Variants in LUC7L2 observed in about 807,000 individuals in gnomAD.
The protein encoded by LUC7L2 is LUC7 like 2, pre-mRNA splicing factor.
In LUC7L2, 25 loss-of-function variants were observed where a neutral mutation model predicts 52.8. The observed-to-expected ratio is 0.47, with a 90% CI of 0.34 to 0.66. LUC7L2 has a LOEUF of 0.66. Ranked by LOEUF, LUC7L2 falls within the 30% of genes least tolerant of loss-of-function variation. LUC7L2 has a pLI of 0.01. For missense variants in LUC7L2, 328 were observed against 497.8 expected (o/e 0.66, Z 3.25); for synonymous variants, 144 against 160.9 (o/e 0.89, Z 0.80).
In LUC7L2 at chr7:139,422,262, G is replaced by T; in HGVS notation, c.1101G>T (p.Lys367Asn). Residue 367 changes from lysine (K) to asparagine (N), a missense_variant, in exon 10 of 10, where the codon AAG (lysine) becomes AAT (asparagine). This residue lies in a region of LUC7L2 where 195 missense variants were observed against 223.3 expected (regional missense o/e 0.87). Coordinates refer to ENST00000354926, the MANE Select transcript of LUC7L2 (RefSeq NM_016019.5). ...RSPRDRDRKDKKRSYESANGR... is the reference protein window; with the variant it reads ...RSPRDRDRKDNKRSYESANGR... ...CTCGTGACAGAGATCGGAAAGATAA[G>T]AAGCGGTCCTATGAGAGTGCTAATG... 6.2e-7 allele frequency: 1 copy of T among 1,614,208 alleles called. No homozygotes were observed. Among genetic ancestry groups the T allele is most frequent in the South Asian group, 1.1e-5 (1 of 91,078 alleles).
intron 7 of LUC7L2, among the ~76,000 whole-genome samples, chr7:139,411,689 C>CGTAA (rs1240183995): frequency 6.6e-5 from 10 of 152,076 alleles, no homozygotes; most frequent in Non-Finnish European, 1.5e-4. Flanking sequence ...TTTCATTGAG[C>CGTAA]GTTACCTGTG....
At chr7:139,410,095 T>A (rs1001973712) in intron 7 of LUC7L2, among the ~76,000 whole-genome samples, 2 of 151,910 alleles carry the variant, frequency 1.3e-5, no homozygotes, top group Non-Finnish European at 2.9e-5. Context: ...TAGTCCCAGC[T>A]GCGCGGGAGG....
chr7:139,341,330 G>A, intron 1 of LUC7L2: 2 of 1,569,690 alleles, frequency 1.3e-6, no homozygotes, highest in Non-Finnish European at 1.7e-6. Context: ...CCGGAGGAGG[G>A]GTTTTCAGGG....
At chr7:139,385,927 G>A (rs1720256068) in intron 2 of LUC7L2, among the ~76,000 whole-genome samples, 1 of 152,176 alleles carries the variant, frequency 6.6e-6, no homozygotes, top group South Asian at 2.1e-4. Flanking sequence ...TTGAAAAAGG[G>A]AATATGGAGT....
At chr7:139,362,640 TAA>T (rs1569367599) in intron 1 of LUC7L2, among the ~76,000 whole-genome samples, 1 of 146,156 alleles carries the variant, frequency 6.8e-6, no homozygotes. Flanking sequence ...TTTTTTTTTT[TAA>T]TTCCAGAGAC....
intron 1 of LUC7L2, among the ~76,000 whole-genome samples, chr7:139,348,366 G>A (rs1379574712): frequency 6.6e-6 from 1 of 151,698 alleles, no homozygotes; most frequent in Non-Finnish European, 1.5e-5. Context: ...ATTTGAGGCA[G>A]AATTGTCTAA....
intron 6 of LUC7L2, among the ~76,000 whole-genome samples, chr7:139,408,058 CAGAT>C (rs746364249): frequency 3.9e-5 from 6 of 152,052 alleles, no homozygotes; most frequent in African/African-American, 9.7e-5. Flanking sequence ...GTCTGGCTGA[CAGAT>C]AGGAAACATG....
intron 7 of LUC7L2, among the ~76,000 whole-genome samples, chr7:139,410,783 T>C (rs1166035111): frequency 6.6e-6 from 1 of 152,206 alleles, no homozygotes; most frequent in Non-Finnish European, 1.5e-5. Context: ...TCCTTCGATC[T>C]TTGAGCATAT....
intron 2 of LUC7L2, among the ~76,000 whole-genome samples, chr7:139,391,406 A>G (rs1053279171): frequency 1.1e-4 from 17 of 152,214 alleles, no homozygotes; most frequent in African/African-American, 2.9e-4. Flanking sequence ...AGCTATTACT[A>G]TGCCAAATTC....
At chr7:139,403,106 T>C (rs75848067) in intron 4 of LUC7L2, among the ~76,000 whole-genome samples, 1,954 of 152,338 alleles carry the variant, frequency 0.013, 45 homozygotes, top group African/African-American at 0.045. Context: ...GTGTATCAGT[T>C]CATTCCTTTT....
chr7:139,365,022 T>G (rs1314914982), intron 1 of LUC7L2, among the ~76,000 whole-genome samples: 1 of 152,250 alleles, frequency 6.6e-6, no homozygotes, highest in Admixed American at 6.5e-5. Context: ...AGCTTGTAAA[T>G]TCTTTAATAT....
At chr7:139,397,738 A>G (rs1361759843) in intron 2 of LUC7L2, among the ~76,000 whole-genome samples, 1 of 152,220 alleles carries the variant, frequency 6.6e-6, no homozygotes, top group Non-Finnish European at 1.5e-5. Flanking sequence ...ATACATATAA[A>G]AATGGATAGA....
At chr7:139,398,959 A>G (rs772042093) in intron 3 of LUC7L2, among the ~76,000 whole-genome samples, 1 of 152,208 alleles carries the variant, frequency 6.6e-6, no homozygotes, top group African/African-American at 2.4e-5. Flanking sequence ...CAAAATAGTA[A>G]TGATTAAGGA....
intron 1 of LUC7L2, chr7:139,374,705 T>G: frequency 1.5e-6 from 2 of 1,326,718 alleles, no homozygotes; most frequent in Non-Finnish European, 1.9e-6. Context: ...GTTAAAATTT[T>G]ATATACCCTG....
chr7:139,349,187 A>G (rs536159893), intron 1 of LUC7L2, among the ~76,000 whole-genome samples: 2 of 152,120 alleles, frequency 1.3e-5, no homozygotes, highest in South Asian at 4.1e-4. Flanking sequence ...AAAAAATCAG[A>G]CACTTGCATG....
At chr7:139,409,847 C>T (rs982703330) in intron 7 of LUC7L2, among the ~76,000 whole-genome samples, 193 bp downstream of exon 7, 2 of 152,138 alleles carry the variant, frequency 1.3e-5, no homozygotes, top group African/African-American at 2.4e-5. Context: ...GGCCATTTAA[C>T]GGAATGTGAT....
At chr7:139,389,782 G>A (rs1794351153) in intron 2 of LUC7L2, among the ~76,000 whole-genome samples, 1 of 152,160 alleles carries the variant, frequency 6.6e-6, no homozygotes, top group African/African-American at 2.4e-5. Context: ...GATCAAGAAA[G>A]ACTATGTTCC....
At chr7:139,375,980 A>T (rs2131214606) in intron 1 of LUC7L2, 82 bp from the exon 2 acceptor site, 1 of 1,422,482 alleles carries the variant, frequency 7.0e-7, no homozygotes, top group South Asian at 1.2e-5. Context: ...AGCCACACAT[A>T]AAAAGCTAGT....
At chr7:139,380,071 C>T (rs552911668) in intron 2 of LUC7L2, among the ~76,000 whole-genome samples, 5 of 151,492 alleles carry the variant, frequency 3.3e-5, no homozygotes, top group Admixed American at 2.0e-4. Context: ...CCCAGCTACT[C>T]GGGAAGCTGA....
Sources: allele counts gnomAD v4.1 joint callset (sites outside exome capture counted in the v4.1 genomes callset), GRCh38; gene constraint gnomAD v4.1.1; regional missense constraint gnomAD v4.1.1; transcripts MANE v1.5; gene names NCBI Gene and HGNC (gene_info 2026-07-23, HGNC 2026-07-21).